C12orf42: variants seen among roughly 807,000 people sequenced by gnomAD.
C12orf42 encodes uncharacterized protein C12orf42.
A neutral mutation model predicts 21.6 loss-of-function variants in C12orf42; 25 were observed. The ratio of observed to expected loss-of-function variants is 1.16; its 90% CI spans 0.84 to 1.62. The LOEUF (loss-of-function observed/expected upper bound fraction) is 1.62, where lower values mean the gene tolerates loss of function less well. Among genes scored for constraint, C12orf42 ranks in the 40% most tolerant of loss-of-function variants. The pLI is 0.00. For missense variants in C12orf42, 483 were observed against 459.3 expected, an observed-to-expected ratio of 1.05 and a Z score of -0.47; for synonymous variants, 174 against 175.0, an observed-to-expected ratio of 0.99 and a Z score of 0.05.
intron 5 of C12orf42, among the ~76,000 whole-genome samples, chr12:103,304,664 A>G (rs1566041824): frequency 6.6e-6 from 1 of 152,246 alleles, no homozygotes; most frequent in Non-Finnish European, 1.5e-5. Flanking sequence ...GAAGAGAGTC[A>G]TGAGGATCAA....
At chr12:103,292,553 C>T (rs1167162688) in intron 4 of C12orf42, among the ~76,000 whole-genome samples, 2 of 151,994 alleles carry the variant, frequency 1.3e-5, no homozygotes, top group Non-Finnish European at 2.9e-5. Flanking sequence ...GTCTAACATA[C>T]AGTAAGGATG....
chr12:103,078,643 A>T, the C12orf42 span, among the ~76,000 whole-genome samples: 1 of 152,240 alleles, frequency 6.6e-6, no homozygotes, highest in Non-Finnish European at 1.5e-5. Flanking sequence ...CCTTGAATGA[A>T]TTTCCCTTAG....
the C12orf42 span, among the ~76,000 whole-genome samples, chr12:103,182,701 G>T: frequency 1.3e-5 from 2 of 152,102 alleles, no homozygotes; most frequent in Admixed American, 6.6e-5. Context: ...AAAAGAAGTT[G>T]TTAGAAATAA....
chr12:103,206,521 TACAC>T, the C12orf42 span, among the ~76,000 whole-genome samples: 12 of 148,728 alleles, frequency 8.1e-5, no homozygotes, highest in East Asian at 1.0e-3. Context: ...TTTTCTATAT[TACAC>T]ACACACACAC....
the C12orf42 span, chr12:103,080,872 C>G: frequency 6.6e-6 from 1 of 152,084 alleles, no homozygotes; most frequent in East Asian, 1.9e-4. Context: ...AGTTTTCATA[C>G]GAGAAAACTG....
chr12:103,301,927 C>A (rs2037676747), downstream of C12orf42: 1 of 693,078 alleles, frequency 1.4e-6, no homozygotes, highest in Non-Finnish European at 2.4e-6. Flanking sequence ...AGAGATGCTT[C>A]AAAAGGAACA....
At chr12:103,454,167 C>T (rs1237751831) in intron 2 of C12orf42, among the ~76,000 whole-genome samples, 1 of 152,040 alleles carries the variant, frequency 6.6e-6, no homozygotes, top group African/African-American at 2.4e-5. Flanking sequence ...AAGATGGTTA[C>T]ATATTTATAT....
chr12:103,543,655 CCCAGTG>C, the C12orf42 span, among the ~76,000 whole-genome samples: 4 of 151,870 alleles, frequency 2.6e-5, 1 homozygote, highest in South Asian at 8.3e-4. Flanking sequence ...TCACCCACTT[CCCAGTG>C]CCCCTGCTTT....
chr12:103,529,774 A>T, the C12orf42 span, among the ~76,000 whole-genome samples: 1 of 152,180 alleles, frequency 6.6e-6, no homozygotes, highest in East Asian at 1.9e-4. Context: ...GGCTATTTCA[A>T]TGGTGAGACA....
At chr12:103,515,240 T>C in the C12orf42 span, among the ~76,000 whole-genome samples, 3 of 152,220 alleles carry the variant, frequency 2.0e-5, no homozygotes, top group Non-Finnish European at 2.9e-5. Flanking sequence ...TTTTGGCTAA[T>C]CATTTAAAAG....
chr12:103,298,272 C>T (rs7970757), downstream of C12orf42, among the ~76,000 whole-genome samples: 1 of 152,092 alleles, frequency 6.6e-6, no homozygotes, highest in African/African-American at 2.4e-5. Context: ...GGATACAAAA[C>T]CAATGTGCAA....
chr12:103,399,630 G>A (rs959435445), intron 3 of C12orf42, among the ~76,000 whole-genome samples: 2 of 151,970 alleles, frequency 1.3e-5, no homozygotes, highest in Non-Finnish European at 2.9e-5. Flanking sequence ...TAACAAAGCA[G>A]TTTCCTGGAA....
the C12orf42 span, among the ~76,000 whole-genome samples, chr12:103,098,530 G>A: frequency 6.5e-3 from 989 of 152,248 alleles, 8 homozygotes; most frequent in African/African-American, 0.022. Flanking sequence ...CAAAGTCTGC[G>A]TTTCAGCCAT....
the C12orf42 span, among the ~76,000 whole-genome samples, chr12:103,510,146 C>A: frequency 6.6e-6 from 1 of 151,990 alleles, no homozygotes; most frequent in African/African-American, 2.4e-5. Context: ...AATTGTGGTG[C>A]GTATATATAC....
the C12orf42 span, among the ~76,000 whole-genome samples, chr12:103,543,901 T>TG: frequency 2.3e-3 from 308 of 134,614 alleles, 3 homozygotes; most frequent in African/African-American, 9.9e-3. Flanking sequence ...GTTTTGTTTT[T>TG]TGTTTTTTTT....
chr12:103,141,593 G>A, the C12orf42 span, among the ~76,000 whole-genome samples: 1 of 151,534 alleles, frequency 6.6e-6, no homozygotes, highest in African/African-American at 2.4e-5. Flanking sequence ...GCAGTGGCGG[G>A]ATCTCGGCTC....
the C12orf42 span, among the ~76,000 whole-genome samples, chr12:103,064,513 T>C: frequency 6.6e-6 from 1 of 152,206 alleles, no homozygotes; most frequent in Non-Finnish European, 1.5e-5. Flanking sequence ...AGCAGAAAAC[T>C]TCCAGGTCAA....
intron 5 of C12orf42, among the ~76,000 whole-genome samples, chr12:103,272,426 T>C (rs2035525793): frequency 6.6e-6 from 1 of 152,178 alleles, no homozygotes; most frequent in African/African-American, 2.4e-5. Context: ...ACAAAACAAT[T>C]TCATCCTTTG....
chr12:103,549,666 G>A, the C12orf42 span: 1 of 152,008 alleles, frequency 6.6e-6, no homozygotes, highest in East Asian at 1.9e-4. Context: ...TAATGCTTAA[G>A]TGGATTTTCT....
Sources: gnomAD v4.1 joint callset for allele counts (sites outside exome capture counted in the v4.1 genomes callset) on GRCh38, gnomAD v4.1.1 for gene constraint, MANE v1.5 for transcripts, NCBI Gene and HGNC (gene_info 2026-07-23, HGNC 2026-07-21) for gene names.